TIMD4: variants seen among roughly 807,000 people sequenced by gnomAD.
TIMD4 encodes T cell immunoglobulin and mucin domain containing 4.
Under a neutral mutation model 41.2 loss-of-function variants are expected in TIMD4, and 31 were observed. The observed-to-expected ratio is 0.75, with a 90% CI of 0.57 to 1.01. The LOEUF (loss-of-function observed/expected upper bound fraction) is 1.01. Among genes scored for constraint, TIMD4 ranks in the 50% least tolerant of loss-of-function variants. The pLI, the probability that TIMD4 is intolerant of heterozygous loss-of-function variation, is 0.00. For synonymous variants in TIMD4, 204 were observed against 177.1 expected, an observed-to-expected ratio of 1.15 and a Z score of -1.21; for missense variants, 479 against 472.5, an observed-to-expected ratio of 1.01 and a Z score of -0.13.
At chr5:156,963,049 G>T in intron 1 of TIMD4, 92 bp downstream of exon 1, 1 of 1,277,584 alleles carries the variant, frequency 7.8e-7, no homozygotes, top group Non-Finnish European at 1.1e-6. Flanking sequence ...GTGAGCTTCT[G>T]CTTCACTGAG....
chr5:156,955,458 C>T (rs1419800822), intron 1 of TIMD4, among the ~76,000 whole-genome samples: 1 of 152,096 alleles, frequency 6.6e-6, no homozygotes. Context: ...AGATCGAGAC[C>T]ATCCTGGCTA....
In TIMD4 at chr5:156,933,006, A is replaced by AAAAAGAAAAGAAAAGAAAAGAAAAG. The variant is rs10628617; in HGVS notation, c.845-6719_845-6695dup. On this transcript the variant is annotated intron_variant, in intron 5 of 8. Transcript: ENST00000274532. Reference sequence around the variant, plus strand: ...GCAACCGAGTAAGACTCTGTCTCAAAAAAAGAAAAGAAAAGAAAAGAAAAG... The same window carrying AAAAAGAAAAGAAAAGAAAAGAAAAG: ...GCAACCGAGTAAGACTCTGTCTCAAAAAAAGAAAAGAAAAGAAAAGAAAAGAAAAGAAAAGAAAAGAAAAGAAAAG... Among the ~76,000 whole-genome samples, 819 of 150,108 alleles carry AAAAAGAAAAGAAAAGAAAAGAAAAG rather than the reference A, an allele frequency of 5.5e-3. 9 individuals carry two copies. The highest frequency in any genetic ancestry group is 0.018 in the African/African-American group (720 of 40,406).
intron 1 of TIMD4, 87 bp from the exon 2 acceptor site, chr5:156,954,843 A>G: frequency 9.1e-7 from 1 of 1,103,766 alleles, no homozygotes; most frequent in East Asian, 2.6e-5. Context: ...AGATGCTTCC[A>G]GGAAGATGAA....
Position 156,922,060 on chromosome 5 carries a change from G to T in TIMD4, c.1012+39C>A, listed in dbSNP as rs370676556. ...CTCCAGATCCTCCTGCAGTCGCCAG[G>T]GTTCTGAAGTGCTCCATCACCTGGC... On this transcript the variant is annotated intron_variant, in intron 7 of 8. Transcript: ENST00000274532. 9 of 1,524,732 alleles carry T rather than the reference G, an allele frequency of 5.9e-6. No homozygotes were observed. The African/African-American group carries it at 8.3e-5, about 14-fold the overall frequency. 94.5% of individuals were successfully genotyped at this position (1,524,732 alleles called of 1,614,324 possible).
At chr5:156,939,024 C>T (rs552619416) in intron 5 of TIMD4, among the ~76,000 whole-genome samples, 28 of 152,292 alleles carry the variant, frequency 1.8e-4, no homozygotes, top group African/African-American at 6.7e-4. Context: ...CACAAGCTCC[C>T]CCAGTGTACT....
Position 156,920,498 on chromosome 5 carries a change from G to C in TIMD4, c.1018C>G (p.Leu340Val), listed in dbSNP as rs774896015. The change falls in exon 8 of 9, where the codon CTC becomes GTC. Residue 340 changes from leucine (L) to valine (V), a missense_variant. By Grantham distance (32) the Leu-to-Val change is conservative. Transcript: ENST00000274532. ...LFVAFLLRGK[L>V]METYCSQKHT... ...TTCTGCGAACAATAGGTTTCCATGAGTTTCCCTGAAAAGACAAGGCCACAG... is the reference window on the plus strand; with the variant it reads ...TTCTGCGAACAATAGGTTTCCATGACTTTCCCTGAAAAGACAAGGCCACAG... 3.1e-6 allele frequency: 5 copies of C among 1,613,920 alleles called. No homozygotes were observed. The African/African-American group carries it at 4.0e-5, about 13-fold the overall frequency.
intron 5 of TIMD4, among the ~76,000 whole-genome samples, chr5:156,948,084 C>T (rs947712498): frequency 4.6e-5 from 7 of 152,162 alleles, no homozygotes; most frequent in African/African-American, 1.4e-4. Context: ...GCATGTTTTG[C>T]TTCCACTCCA....
intron 5 of TIMD4, among the ~76,000 whole-genome samples, chr5:156,933,082 T>C (rs532774630): frequency 6.6e-6 from 1 of 152,254 alleles, no homozygotes; most frequent in Non-Finnish European, 1.5e-5. Flanking sequence ...AATATATGAA[T>C]GGTATATAGC....
chr5:156,960,892 C>T lies in TIMD4; in HGVS notation c.58+2249G>A, dbSNP rs111710253. 2.0e-5 allele frequency among the ~76,000 whole-genome samples: 3 copies of T among 152,158 alleles called. No homozygotes were observed. The South Asian group carries it at 6.2e-4, about 32-fold the overall frequency. On this transcript the variant is annotated intron_variant, in intron 1 of 8. Coordinates refer to ENST00000274532, the MANE Select transcript of TIMD4 (RefSeq NM_138379.3). ...AGATGCAGGAACTCCAAGGAGGATG[C>T]GAACTCATAGCAGAAACACCTGAAC...
At chr5:156,926,705 T>G (rs1336640580) in intron 5 of TIMD4, among the ~76,000 whole-genome samples, 1 of 152,222 alleles carries the variant, frequency 6.6e-6, no homozygotes, top group East Asian at 1.9e-4. Flanking sequence ...AGCTATACCT[T>G]GGACCTCATA....
At chr5:156,936,213 T>G (rs1447123601) in intron 5 of TIMD4, among the ~76,000 whole-genome samples, 1 of 152,188 alleles carries the variant, frequency 6.6e-6, no homozygotes, top group Non-Finnish European at 1.5e-5. Flanking sequence ...CACTCCAGCC[T>G]GAGCTGCAGA....
At chr5:156,945,778 G>C (rs2079038860) in intron 5 of TIMD4, among the ~76,000 whole-genome samples, 1 of 152,166 alleles carries the variant, frequency 6.6e-6, no homozygotes, top group South Asian at 2.1e-4. Context: ...GATACCTAAA[G>C]AGTGTAGAAT....
At chr5:156,938,494 T>C in intron 5 of TIMD4, among the ~76,000 whole-genome samples, 1 of 152,154 alleles carries the variant, frequency 6.6e-6, no homozygotes, top group East Asian at 1.9e-4. Context: ...AAGTTCAAGG[T>C]CTTGCTTCCC....
rs1361833203 is a variant in TIMD4 at position 156,926,332 on chromosome 5, A to G, written c.845-20T>C. ...CAGATGCTGGGAAGGAAAAGAGAAGAAAATGGTTATATGTCTGGTTGGGGA... is the reference window on the plus strand; with the variant it reads ...CAGATGCTGGGAAGGAAAAGAGAAGGAAATGGTTATATGTCTGGTTGGGGA... On this transcript the variant is annotated intron_variant, in intron 5 of 8. Transcript: ENST00000274532. 5 of 1,613,066 alleles carry G rather than the reference A, an allele frequency of 3.1e-6. No homozygotes were observed. Among genetic ancestry groups the G allele is most frequent in the Non-Finnish European group, 4.2e-6 (5 of 1,179,318 alleles).
chr5:156,942,511 C>G (rs1049675637), intron 5 of TIMD4, among the ~76,000 whole-genome samples: 2 of 152,188 alleles, frequency 1.3e-5, no homozygotes. Context: ...CCCTGAAATG[C>G]GGATGTGAGT....
chr5:156,920,435 A>G, intron 8 of TIMD4, 29 bp downstream of exon 8: 3 of 1,612,360 alleles, frequency 1.9e-6, no homozygotes, highest in Non-Finnish European at 2.5e-6. Context: ...TACAATCATT[A>G]CAACACCCAT....
intron 5 of TIMD4, among the ~76,000 whole-genome samples, chr5:156,939,032 A>T (rs532239805): frequency 2.0e-5 from 3 of 152,224 alleles, no homozygotes; most frequent in African/African-American, 7.2e-5. Flanking sequence ...CCCCCAGTGT[A>T]CTGCTCCTTT....
intron 5 of TIMD4, among the ~76,000 whole-genome samples, chr5:156,928,401 G>C (rs975122197): frequency 6.7e-6 from 1 of 150,250 alleles, no homozygotes; most frequent in Non-Finnish European, 1.5e-5. Flanking sequence ...GTGGAGGAGA[G>C]AAAAAAAAAG....
chr5:156,951,905 G>T, intron 2 of TIMD4, 115 bp from the exon 3 acceptor site: 1 of 1,408,510 alleles, frequency 7.1e-7, no homozygotes, highest in Non-Finnish European at 9.8e-7. Context: ...CCACTGGCCT[G>T]GACGATTGTA....
Sources: gnomAD v4.1 joint callset for allele counts (sites outside exome capture counted in the v4.1 genomes callset) on GRCh38, gnomAD v4.1.1 for gene constraint, MANE v1.5 for transcripts, NCBI Gene and HGNC (gene_info 2026-07-23, HGNC 2026-07-21) for gene names.